SOBP: variants seen among roughly 807,000 people sequenced by gnomAD.
The protein encoded by SOBP is sine oculis binding protein homolog, also known as sine oculis-binding protein homolog.
A neutral mutation model predicts 53.6 loss-of-function variants in SOBP; 4 were observed. That is an observed-to-expected ratio of 0.07 (90% CI 0.04 to 0.17). SOBP has a LOEUF of 0.17. SOBP is among the 10% of genes least tolerant of loss of function. SOBP has a pLI of 1.00. For missense variants in SOBP, 1,088 were observed against 1,204.7 expected (o/e 0.90, Z 1.43); for synonymous variants, 584 against 522.6 (o/e 1.12, Z -1.60).
intron 4 of SOBP, among the ~76,000 whole-genome samples, chr6:107,584,544 C>A (rs1323180855): frequency 6.6e-6 from 1 of 152,126 alleles, no homozygotes; most frequent in Non-Finnish European, 1.5e-5. Context: ...GATAGAATTT[C>A]TTGGACTCTG....
chr6:107,660,943 C>T lies in SOBP; in HGVS notation c.*2740C>T, dbSNP rs1371811068. On this transcript the variant is annotated 3_prime_UTR_variant, in exon 7 of 7. Coordinates refer to ENST00000317357, the MANE Select transcript of SOBP (RefSeq NM_018013.4). ...AGAGAATCTTGGAGGCTTCCTGGTG[C>T]AGAGTTATATTTATGGCGGTGACTC... Among the ~76,000 whole-genome samples, 1 of 152,186 alleles carries T rather than the reference C, an allele frequency of 6.6e-6. No individual in the cohort carries two copies. Among genetic ancestry groups the T allele is most frequent in the Non-Finnish European group, 1.5e-5 (1 of 68,034 alleles).
intron 6 of SOBP, among the ~76,000 whole-genome samples, chr6:107,650,200 C>T (rs1012523893): frequency 1.3e-5 from 2 of 152,132 alleles, no homozygotes; most frequent in Non-Finnish European, 2.9e-5. Context: ...ACCTTAGCTT[C>T]TCAGAGCCAT....
intron 1 of SOBP, among the ~76,000 whole-genome samples, chr6:107,493,411 AG>A (rs1436104169): frequency 6.6e-6 from 1 of 152,190 alleles, no homozygotes; most frequent in Admixed American, 6.5e-5. Flanking sequence ...CAAGGCTTGA[AG>A]GTAGGGGAAA....
intron 5 of SOBP, among the ~76,000 whole-genome samples, chr6:107,606,486 G>A (rs1786387511): frequency 6.6e-6 from 1 of 152,122 alleles, no homozygotes; most frequent in African/African-American, 2.4e-5. Flanking sequence ...AGCATTCAAG[G>A]GAATGCAGCT....
At chr6:107,564,706 A>C (rs1784868462) in intron 4 of SOBP, among the ~76,000 whole-genome samples, 2 of 152,208 alleles carry the variant, frequency 1.3e-5, no homozygotes, top group African/African-American at 4.8e-5. Flanking sequence ...TCAGAGCTCT[A>C]TGCTTTCAGG....
intron 1 of SOBP, among the ~76,000 whole-genome samples, chr6:107,491,957 C>T (rs1006258693): frequency 6.6e-6 from 1 of 152,192 alleles, no homozygotes; most frequent in African/African-American, 2.4e-5. Context: ...TATATGTATG[C>T]GTACCTAGGT....
chr6:107,579,296 G>T (rs969780037), intron 4 of SOBP, among the ~76,000 whole-genome samples: 2 of 152,108 alleles, frequency 1.3e-5, no homozygotes, highest in Non-Finnish European at 2.9e-5. Context: ...GAAGGGGGCT[G>T]CATGCTCCTA....
intron 4 of SOBP, among the ~76,000 whole-genome samples, chr6:107,542,784 G>T (rs140484413): frequency 1.3e-5 from 2 of 151,900 alleles, no homozygotes; most frequent in African/African-American, 4.8e-5. Flanking sequence ...TTTGGGCAAG[G>T]TGTGGGAGGA....
chr6:107,501,710 C>T (rs1244486116), intron 1 of SOBP, among the ~76,000 whole-genome samples: 1 of 152,050 alleles, frequency 6.6e-6, no homozygotes, highest in Non-Finnish European at 1.5e-5. Flanking sequence ...GCTCTCATCT[C>T]AGTGAAAGAA....
intron 3 of SOBP, among the ~76,000 whole-genome samples, chr6:107,516,814 T>C (rs1783334268): frequency 6.6e-6 from 1 of 152,082 alleles, no homozygotes; most frequent in Admixed American, 6.6e-5. Context: ...TCACAAAATA[T>C]GTGTAAGATG....
chr6:107,503,772 G>A lies in SOBP; in HGVS notation c.212G>A (p.Arg71Gln), dbSNP rs748809455. The change falls in exon 2 of 7, where the codon CGG (arginine) becomes CAG (glutamine). Residue 71 changes from arginine to glutamine, a missense_variant. Transcript: ENST00000317357. Reference sequence around the variant, plus strand: ...AGCTACCCTACAGATGGGGAGAGCCGGCAGCACATTTCTGTTCTCAAAGGT... The same window carrying A: ...AGCTACCCTACAGATGGGGAGAGCCAGCAGCACATTTCTGTTCTCAAAGGT... ...FRSYPTDGES[R>Q]QHISVLKENS... The A allele has an allele frequency of 3.1e-5, 50 of 1,613,950 alleles. No individual in the cohort carries two copies. Among genetic ancestry groups the A allele is most frequent in the Non-Finnish European group, 3.7e-5 (44 of 1,180,008 alleles).
Position 107,633,723 on chromosome 6 carries a change from G to A in SOBP, c.879G>A (p.Gln293=). 1 of 1,614,258 alleles carries A rather than the reference G, an allele frequency of 6.2e-7. No homozygotes were observed. Among genetic ancestry groups the A allele is most frequent in the Non-Finnish European group, 8.5e-7 (1 of 1,180,042 alleles). Residue 293 remains glutamine (Q), a synonymous_variant, in exon 6 of 7, where the codon CAG becomes CAA. Coordinates refer to ENST00000317357, the MANE Select transcript of SOBP (RefSeq NM_018013.4). ...MENKAEGTGV[Q]LLTPDSWNIP... is the part of the protein sequence containing the mutation. ...ATAAAGCAGAAGGCACCGGGGTGCA[G>A]CTGCTCACTCCAGACTCTTGGAATA...
intron 6 of SOBP, among the ~76,000 whole-genome samples, chr6:107,640,484 G>A (rs940819924): frequency 5.3e-5 from 8 of 152,162 alleles, no homozygotes; most frequent in Non-Finnish European, 1.0e-4. Context: ...ACTTCAGAGA[G>A]CCAGAAAGAA....
intron 4 of SOBP, among the ~76,000 whole-genome samples, chr6:107,583,845 G>T (rs185141465): frequency 6.6e-6 from 1 of 152,228 alleles, no homozygotes; most frequent in African/African-American, 2.4e-5. Flanking sequence ...TTGGGATTTT[G>T]GAATATTTGC....
At chr6:107,573,079 T>A (rs1028729666) in intron 4 of SOBP, among the ~76,000 whole-genome samples, 1 of 152,106 alleles carries the variant, frequency 6.6e-6, no homozygotes, top group Admixed American at 6.6e-5. Context: ...AACAATGCCT[T>A]TTTTGAGGGA....
intron 4 of SOBP, among the ~76,000 whole-genome samples, chr6:107,571,710 A>T (rs1383633521): frequency 1.3e-5 from 2 of 152,174 alleles, no homozygotes; most frequent in Non-Finnish European, 2.9e-5. Flanking sequence ...TCCATCAAAG[A>T]TGTCATTTTT....
At position 107,633,930 on chromosome 6, in the gene SOBP, T is replaced by C; in HGVS notation, c.1086T>C (p.Pro362=). 6.2e-7 allele frequency: 1 copy of C among 1,614,048 alleles called. No individual in the cohort carries two copies. Among genetic ancestry groups the C allele is most frequent in the Non-Finnish European group, 8.5e-7 (1 of 1,179,992 alleles). Residue 362 remains proline, a synonymous_variant, in exon 6 of 7, where the codon CCT becomes CCC. Coordinates refer to ENST00000317357, the MANE Select transcript of SOBP (RefSeq NM_018013.4). ...SIPISETPNI[P]PVSVQPPASI... ...CCATCAGCGAGACTCCAAATATCCC[T>C]CCTGTCTCCGTCCAGCCACCTGCTA...
chr6:107,643,891 G>A (rs781510412), intron 6 of SOBP, among the ~76,000 whole-genome samples: 7 of 152,194 alleles, frequency 4.6e-5, no homozygotes, highest in African/African-American at 1.4e-4. Flanking sequence ...AGTAGAATCA[G>A]CTTATTTTAT....
intron 1 of SOBP, among the ~76,000 whole-genome samples, chr6:107,499,247 A>T (rs1341072326): frequency 1.3e-5 from 2 of 152,180 alleles, no homozygotes; most frequent in African/African-American, 4.8e-5. Context: ...TGACTTTACT[A>T]GATCTCTCAT....
Sources: gnomAD v4.1 joint callset for allele counts (sites outside exome capture counted in the v4.1 genomes callset) on GRCh38, gnomAD v4.1.1 for gene constraint, MANE v1.5 for transcripts, NCBI Gene and HGNC (gene_info 2026-07-23, HGNC 2026-07-21) for gene names.